TNS1: variants seen among roughly 807,000 people sequenced by gnomAD.
TNS1 encodes the protein tensin 1, also known as tensin-1.
In TNS1, 62 loss-of-function variants were observed where a neutral mutation model predicts 168.6. The ratio of observed to expected loss-of-function variants is 0.37; its 90% CI spans 0.30 to 0.45. The LOEUF (loss-of-function observed/expected upper bound fraction) is 0.45, where lower values mean the gene tolerates loss of function less well. Among genes scored for constraint, TNS1 ranks in the 20% least tolerant of loss-of-function variants. The pLI is 1.00. For missense variants in TNS1, 2,240 were observed against 2,339.4 expected (o/e 0.96, Z 0.88); for synonymous variants, 934 against 933.2 (o/e 1.00, Z -0.02).
At chr2:217,883,324 G>A (rs1049212384) in intron 16 of TNS1, among the ~76,000 whole-genome samples, 8 of 151,880 alleles carry the variant, frequency 5.3e-5, no homozygotes, top group Non-Finnish European at 8.8e-5. Flanking sequence ...AAGTGCAGCG[G>A]TGCAATCATA....
chr2:217,933,612 T>A (rs1174428540), intron 3 of TNS1, among the ~76,000 whole-genome samples: 1 of 152,020 alleles, frequency 6.6e-6, no homozygotes, highest in Non-Finnish European at 1.5e-5. Context: ...AGGGGGAGCA[T>A]GAGCCAGCAG....
At chr2:217,915,846 G>A (rs528263157) in intron 4 of TNS1, among the ~76,000 whole-genome samples, 1 of 152,344 alleles carries the variant, frequency 6.6e-6, no homozygotes, top group Admixed American at 6.5e-5. Flanking sequence ...GCTTGGGCCT[G>A]CCAGGCTTCC....
At chr2:217,865,694 G>A (rs868777337) in intron 18 of TNS1, among the ~76,000 whole-genome samples, 1 of 152,182 alleles carries the variant, frequency 6.6e-6, no homozygotes, top group African/African-American at 2.4e-5. Flanking sequence ...GCTTCCCAGG[G>A]CACAGGGAGA....
intron 18 of TNS1, among the ~76,000 whole-genome samples, chr2:217,857,334 GACC>G (rs1420486226): frequency 1.3e-5 from 2 of 152,080 alleles, no homozygotes; most frequent in Non-Finnish European, 2.9e-5. Flanking sequence ...GCAGGCTCAG[GACC>G]ACCCAAGGTC....
At position 217,986,301 on chromosome 2, in the gene TNS1, G is replaced by A. The variant is rs1958190962; in HGVS notation, c.148+4641C>T. 6.6e-6 allele frequency among the ~76,000 whole-genome samples: 1 copy of A among 152,234 alleles called. No individual in the cohort carries two copies. Among genetic ancestry groups the A allele is most frequent in the Admixed American group, 6.5e-5 (1 of 15,282 alleles). On this transcript the variant is annotated intron_variant, in intron 2 of 32. Coordinates refer to ENST00000682258, the MANE Select transcript of TNS1 (RefSeq NM_001387777.1). This position sits in a 1 kb window ranked among gnomAD's most constrained non-coding sequence, Gnocchi z 4.7. ...CCAAATCCAGTGGGTGCCGGCTTCT[G>A]CACAGGCTTGTCCTGTTAAAGGACG...
At chr2:217,891,778 C>T (rs1951767344) in intron 11 of TNS1, among the ~76,000 whole-genome samples, 1 of 152,198 alleles carries the variant, frequency 6.6e-6, no homozygotes, top group Admixed American at 6.5e-5. Context: ...GCTTCAAACA[C>T]CTCAGCCCCT....
intron 18 of TNS1, among the ~76,000 whole-genome samples, chr2:217,874,465 T>C (rs1019554210): frequency 6.6e-6 from 1 of 152,126 alleles, no homozygotes; most frequent in Non-Finnish European, 1.5e-5. Flanking sequence ...TGAAATCCAT[T>C]ATCCTCAATT....
At chr2:217,862,221 G>T (rs1574857863) in intron 18 of TNS1, among the ~76,000 whole-genome samples, 2 of 152,042 alleles carry the variant, frequency 1.3e-5, no homozygotes, top group African/African-American at 4.8e-5. Context: ...GCAGGGCATG[G>T]CAAATCTGGT....
intron 1 of TNS1, among the ~76,000 whole-genome samples, chr2:218,008,358 G>A (rs1958678405): frequency 6.6e-6 from 1 of 152,210 alleles, no homozygotes; most frequent in African/African-American, 2.4e-5. Context: ...AAAGGAGAGT[G>A]GAGTGAAGTG....
At chr2:217,904,223 G>C (rs558465848) in intron 6 of TNS1, among the ~76,000 whole-genome samples, 1 of 152,116 alleles carries the variant, frequency 6.6e-6, no homozygotes, top group Non-Finnish European at 1.5e-5. Flanking sequence ...AACAAAGTGC[G>C]ACACAGCACA....
chr2:217,826,536 A>C (rs1286765461), intron 22 of TNS1, among the ~76,000 whole-genome samples: 1 of 152,160 alleles, frequency 6.6e-6, no homozygotes, highest in Non-Finnish European at 1.5e-5. Flanking sequence ...GAGGCAGGAA[A>C]GAAAGTTCTT....
At position 217,848,126 on chromosome 2, in the gene TNS1, C is replaced by T. The variant is rs1946926591; in HGVS notation, c.2391G>A (p.Leu797=). 1.3e-6 allele frequency: 2 copies of T among 1,590,568 alleles called. No homozygotes were observed. Among genetic ancestry groups the T allele is most frequent in the Non-Finnish European group, 8.6e-7 (1 of 1,169,186 alleles). Residue 797 remains leucine (L), a synonymous_variant, in exon 19 of 33, where the codon TTG becomes TTA. Coordinates refer to ENST00000682258, the MANE Select transcript of TNS1 (RefSeq NM_001387777.1). ...PPPRQQERAH[L]ESLVASRPSP... ...TGGGCCTGCTGGCTACAAGACTCTC[C>T]AAGTGGGCTCTTTCCTGCTGGCGTG...
At chr2:217,980,504 C>CAGAGAGAG (rs1217065280) in intron 2 of TNS1, among the ~76,000 whole-genome samples, 130 of 131,326 alleles carry the variant, frequency 9.9e-4, no homozygotes, top group African/African-American at 3.3e-3. Flanking sequence ...CCTACACACA[C>CAGAGAGAG]ACAGAGAGAG....
rs1008622223 is a variant in TNS1, at chr2:217,823,991, T to C, written c.3374-2053A>G. 3.3e-5 allele frequency among the ~76,000 whole-genome samples: 5 copies of C among 152,320 alleles called. No individual in the cohort carries two copies. The South Asian group carries it at 8.3e-4, about 25-fold the overall frequency. On this transcript the variant is annotated intron_variant, in intron 22 of 32. Transcript: ENST00000682258. ...AGGCTCTGCTGGAACTAGAAGACAATGCAGATATCCCCTGACCAGGCCCAG... is the reference window on the plus strand; with the variant it reads ...AGGCTCTGCTGGAACTAGAAGACAACGCAGATATCCCCTGACCAGGCCCAG...
intron 19 of TNS1, among the ~76,000 whole-genome samples, chr2:217,836,467 A>G (rs545909272): frequency 6.0e-4 from 91 of 152,274 alleles, no homozygotes; most frequent in Non-Finnish European, 1.2e-3. Context: ...AGCTGAGACC[A>G]AGAACACAAA....
At chr2:217,816,911 C>G (rs1444905366) in intron 24 of TNS1, among the ~76,000 whole-genome samples, 1 of 152,132 alleles carries the variant, frequency 6.6e-6, no homozygotes, top group Non-Finnish European at 1.5e-5. Flanking sequence ...ACATCCAGGG[C>G]CACTGTGCAC....
At chr2:217,968,369 T>A (rs1375095798) in intron 3 of TNS1, among the ~76,000 whole-genome samples, 1 of 152,196 alleles carries the variant, frequency 6.6e-6, no homozygotes, top group East Asian at 1.9e-4. Context: ...ACAGAGGACA[T>A]CATCTTGTAT....
chr2:218,023,949 A>G (rs1958831819), intron 1 of TNS1, among the ~76,000 whole-genome samples: 1 of 152,222 alleles, frequency 6.6e-6, no homozygotes, highest in Admixed American at 6.5e-5. Context: ...GAGTGACAAA[A>G]GAGGGCAAGG....
chr2:217,886,912 G>A (rs1188454219), intron 12 of TNS1, among the ~76,000 whole-genome samples: 1 of 152,118 alleles, frequency 6.6e-6, no homozygotes, highest in Non-Finnish European at 1.5e-5. Context: ...ACCGCCCTCT[G>A]GTGGTCAACA....
Sources: gnomAD v4.1 joint callset for allele counts (sites outside exome capture counted in the v4.1 genomes callset) on GRCh38, gnomAD v4.1.1 for gene constraint, Gnocchi (gnomAD v3.1) non-coding constraint, MANE v1.5 for transcripts, NCBI Gene and HGNC (gene_info 2026-07-23, HGNC 2026-07-21) for gene names.